The following ENPP2 variants were observed in gnomAD, a reference collection of about 807,000 sequenced individuals.
ENPP2 encodes autotaxin.
Under a neutral mutation model 120.2 loss-of-function variants are expected in ENPP2, and 51 were observed. That is an observed-to-expected ratio of 0.42 (90% confidence interval 0.34 to 0.54). The LOEUF is 0.54. ENPP2 is among the 20% of genes least tolerant of loss of function. The pLI, the probability that ENPP2 is intolerant of heterozygous loss-of-function variation, is 0.04. For synonymous variants in ENPP2, 365 were observed against 366.4 expected (o/e 1.00, Z 0.04); for missense variants, 920 against 1,066.5 (o/e 0.86, Z 1.91).
At chr8:119,667,131 C>T (rs1244511207) in intron 1 of ENPP2, among the ~76,000 whole-genome samples, 2 of 152,126 alleles carry the variant, frequency 1.3e-5, no homozygotes, top group Admixed American at 6.5e-5. Flanking sequence ...TACCAGGAAA[C>T]CAGGACATAT....
At chr8:119,578,018 G>A (rs894758066) in intron 19 of ENPP2, among the ~76,000 whole-genome samples, 8 of 152,070 alleles carry the variant, frequency 5.3e-5, no homozygotes, top group African/African-American at 7.2e-5. Flanking sequence ...ATGCTCTTAA[G>A]TTTGAGGTGA....
chr8:119,617,217 T>G lies in ENPP2; in HGVS notation c.604A>C (p.Met202Leu). The G allele has an allele frequency of 6.2e-7, 1 of 1,613,688 alleles. No homozygotes were observed. ...GTTTTAGTTGGGTACACCGGCCTCA[T>G]GTAGGGAGAGTGTGTGCCACAAGAC... ...LRSCGTHSPY[M>L]RPVYPTKTFP... The change falls in exon 7 of 25, where the codon ATG becomes CTG. Residue 202 changes from methionine to leucine, a missense_variant. Transcript: ENST00000075322.
chr8:119,644,625 TACACACAC>T (rs1217498689), intron 1 of ENPP2, among the ~76,000 whole-genome samples: 3 of 74,290 alleles, frequency 4.0e-5, no homozygotes, highest in South Asian at 5.5e-4. Context: ...TATATATATA[TACACACAC>T]ACACACACAC....
At chr8:119,628,296 A>G (rs1230214282) in intron 2 of ENPP2, among the ~76,000 whole-genome samples, 2 of 152,182 alleles carry the variant, frequency 1.3e-5, no homozygotes, top group Non-Finnish European at 2.9e-5. Context: ...GTTTCCAGGA[A>G]TTAAAATTTT....
At chr8:119,627,462 G>A (rs1335320667) in intron 2 of ENPP2, among the ~76,000 whole-genome samples, 1 of 152,012 alleles carries the variant, frequency 6.6e-6, no homozygotes. Flanking sequence ...ATTCTCAATA[G>A]GGCCTAAATG....
chr8:119,574,686 G>A (rs564052931), intron 19 of ENPP2, among the ~76,000 whole-genome samples: 1 of 151,962 alleles, frequency 6.6e-6, no homozygotes, highest in Non-Finnish European at 1.5e-5. Flanking sequence ...AGATGAGCAG[G>A]CTGTCTTGAG....
At chr8:119,639,355 C>T (rs935165750), upstream of ENPP2, among the ~76,000 whole-genome samples, 2 of 152,184 alleles carry the variant, frequency 1.3e-5, no homozygotes, top group Non-Finnish European at 2.9e-5. Context: ...GACCCTGTCC[C>T]TAGTATCACA....
intron 10 of ENPP2, among the ~76,000 whole-genome samples, chr8:119,601,118 A>G (rs1054087055): frequency 1.3e-5 from 2 of 152,190 alleles, no homozygotes; most frequent in African/African-American, 2.4e-5. Flanking sequence ...TACTTCTGCA[A>G]TCCTTGGGAT....
At chr8:119,589,749 G>C (rs1292425798) in intron 13 of ENPP2, among the ~76,000 whole-genome samples, 1 of 152,150 alleles carries the variant, frequency 6.6e-6, no homozygotes, top group East Asian at 1.9e-4. Context: ...GGTGTCAATG[G>C]TTTCTTATTC....
Position 119,621,387 on chromosome 8 carries a change from C to T in ENPP2, c.418+7G>A. ...TAAAGCTCAGGCCAATCCAAAGAAA[C>T]ACGTACCTTTGCAAACCACTTGGTA... On this transcript the variant is annotated splice_region_variant and intron_variant, in intron 4 of 24. Coordinates refer to ENST00000075322, the MANE Select transcript of ENPP2 (RefSeq NM_001040092.3). 1 of 1,612,824 alleles carries T rather than the reference C, an allele frequency of 6.2e-7. No homozygotes were observed. The highest frequency in any genetic ancestry group is 8.5e-7 in the Non-Finnish European group (1 of 1,179,088).
intron 15 of ENPP2, among the ~76,000 whole-genome samples, chr8:119,584,669 C>T (rs1010783692): frequency 3.3e-5 from 5 of 152,158 alleles, no homozygotes; most frequent in African/African-American, 1.2e-4. Flanking sequence ...CATGGTCTCA[C>T]CTAGACAATA....
intron 2 of ENPP2, among the ~76,000 whole-genome samples, chr8:119,632,656 A>T (rs1402032246): frequency 6.6e-6 from 1 of 152,252 alleles, no homozygotes; most frequent in East Asian, 1.9e-4. Context: ...AATGTAAAAC[A>T]TACGTTATTT....
chr8:119,568,301 T>G, intron 21 of ENPP2, 49 bp from the exon 22 acceptor site: 1 of 894,800 alleles, frequency 1.1e-6, no homozygotes, highest in Non-Finnish European at 1.7e-6. Flanking sequence ...AAAATCTATA[T>G]CAGTTAAAAA....
chr8:119,652,164 C>T (rs1038220935), intron 1 of ENPP2, among the ~76,000 whole-genome samples: 1 of 152,092 alleles, frequency 6.6e-6, no homozygotes, highest in Non-Finnish European at 1.5e-5. Flanking sequence ...TCATAGAAAG[C>T]TGTCTTCTCA....
chr8:119,663,183 C>T (rs1252274129), intron 1 of ENPP2, among the ~76,000 whole-genome samples: 10 of 151,726 alleles, frequency 6.6e-5, no homozygotes, highest in Admixed American at 6.6e-4. Flanking sequence ...GTATAATTGT[C>T]GTGGTTCCCA....
At chr8:119,595,874 A>G (rs764052643) in intron 11 of ENPP2, 9 of 1,614,084 alleles carry the variant, frequency 5.6e-6, no homozygotes, top group Middle Eastern at 1.7e-4. Flanking sequence ...CCGCAGCATA[A>G]TGATCCATCC....
At chr8:119,666,600 G>A (rs754336223) in intron 1 of ENPP2, among the ~76,000 whole-genome samples, 1 of 151,982 alleles carries the variant, frequency 6.6e-6, no homozygotes, top group Non-Finnish European at 1.5e-5. Flanking sequence ...GACCAACATG[G>A]AGAAAACCCA....
At chr8:119,557,854 T>G (rs1352184836) in intron 24 of ENPP2, among the ~76,000 whole-genome samples, 163 bp from the exon 25 acceptor site, 2 of 152,188 alleles carry the variant, frequency 1.3e-5, no homozygotes, top group African/African-American at 4.8e-5. Flanking sequence ...CGCATTCCTA[T>G]GGGTAATGTG....
chr8:119,593,851 G>A lies in ENPP2; in HGVS notation c.982C>T (p.Pro328Ser). The A allele has an allele frequency of 1.9e-6, 3 of 1,601,962 alleles. No homozygotes were observed. Among genetic ancestry groups the A allele is most frequent in the Non-Finnish European group, 2.6e-6 (3 of 1,168,996 alleles). Residue 328 changes from proline to serine, a missense_variant, in exon 12 of 25, where the codon CCT becomes TCT. By Grantham distance (74) the Pro-to-Ser change is moderately conservative. Coordinates refer to ENST00000075322, the MANE Select transcript of ENPP2 (RefSeq NM_001040092.3). Reference protein sequence around the residue: ...YGPFGPEMTNPLREIDKIVGQ... With the variant: ...YGPFGPEMTNSLREIDKIVGQ... ...ACAATTTTGTCGATTTCCCTCAGAG[G>A]ATTTGTCATCTAGGAAAAAGAAGCA...
Sources: gnomAD v4.1 joint callset for allele counts (sites outside exome capture counted in the v4.1 genomes callset) on GRCh38, gnomAD v4.1.1 for gene constraint, MANE v1.5 for transcripts, NCBI Gene and HGNC (gene_info 2026-07-23, HGNC 2026-07-21) for gene names.